Variants in NAV3 observed in about 807,000 individuals in gnomAD.
NAV3 encodes the protein pore membrane and/or filament interacting like protein 1.
Under a neutral mutation model 244.7 loss-of-function variants are expected in NAV3, and 87 were observed. The ratio of observed to expected loss-of-function variants is 0.36; its 90% CI spans 0.30 to 0.42. The LOEUF (loss-of-function observed/expected upper bound fraction) is 0.42, where lower values mean the gene tolerates loss of function less well. Ranked by LOEUF, NAV3 falls within the 20% of genes least tolerant of loss-of-function variation. The probability of loss-of-function intolerance (pLI) is 1.00; values close to 1 mark genes in which losing one functional copy is unlikely to be tolerated. For missense variants in NAV3, 2,663 were observed against 2,893.3 expected, an observed-to-expected ratio of 0.92 and a Z score of 1.83; for synonymous variants, 1,126 against 1,042.2, an observed-to-expected ratio of 1.08 and a Z score of -1.55.
intron 2 of NAV3, among the ~76,000 whole-genome samples, chr12:77,617,490 A>C (rs897669666): frequency 3.3e-5 from 5 of 152,192 alleles, no homozygotes; most frequent in South Asian, 4.1e-4. Context: ...ATGATAAAAA[A>C]CTGAGACTTC....
chr12:77,828,755 G>A (rs1000369392), upstream of NAV3, among the ~76,000 whole-genome samples: 1 of 152,074 alleles, frequency 6.6e-6, no homozygotes, highest in Non-Finnish European at 1.5e-5. Flanking sequence ...CAGTCAGAGT[G>A]AAAGATATTG....
chr12:78,038,150 C>T (rs965592066), intron 9 of NAV3, among the ~76,000 whole-genome samples: 6 of 152,176 alleles, frequency 3.9e-5, no homozygotes, highest in African/African-American at 1.2e-4. Context: ...TGTGACTAAA[C>T]TTTAAATGTC....
chr12:77,985,367 T>G (rs1002288421), intron 5 of NAV3, among the ~76,000 whole-genome samples: 1 of 152,218 alleles, frequency 6.6e-6, no homozygotes, highest in Non-Finnish European at 1.5e-5. Flanking sequence ...TCAATATCTA[T>G]GTCTATGTGC....
chr12:77,680,176 C>A (rs564575749), intron 2 of NAV3, among the ~76,000 whole-genome samples: 1 of 152,218 alleles, frequency 6.6e-6, no homozygotes, highest in African/African-American at 2.4e-5. Context: ...GTTCCAGTGT[C>A]TGAATTTGCT....
At chr12:77,658,495 G>T (rs1045698995) in intron 2 of NAV3, among the ~76,000 whole-genome samples, 28 of 149,622 alleles carry the variant, frequency 1.9e-4, no homozygotes, top group African/African-American at 6.9e-4. Context: ...CATGCTCATG[G>T]GTAGGAAGAA....
intron 12 of NAV3, among the ~76,000 whole-genome samples, chr12:78,108,382 G>A (rs149138564): frequency 6.6e-6 from 1 of 152,188 alleles, no homozygotes; most frequent in African/African-American, 2.4e-5. Flanking sequence ...TCCACTTTCA[G>A]TATTAGACAG....
At chr12:78,030,787 A>G (rs1388526178) in intron 9 of NAV3, among the ~76,000 whole-genome samples, 1 of 152,220 alleles carries the variant, frequency 6.6e-6, no homozygotes, top group Non-Finnish European at 1.5e-5. Context: ...GTAAAGAGTC[A>G]TGCAGAACTT....
intron 2 of NAV3, among the ~76,000 whole-genome samples, chr12:77,756,379 TCTC>T (rs996762521): frequency 2.6e-5 from 4 of 152,174 alleles, no homozygotes; most frequent in African/African-American, 7.2e-5. Flanking sequence ...TTTAATTCCT[TCTC>T]CTATTTTCAG....
chr12:77,855,168 T>A (rs1878202357), intron 1 of NAV3, among the ~76,000 whole-genome samples: 1 of 152,126 alleles, frequency 6.6e-6, no homozygotes. Flanking sequence ...AACATCCTTT[T>A]GCATGTGTCC....
chr12:77,805,989 A>G (rs1431238207), intron 2 of NAV3, among the ~76,000 whole-genome samples: 1 of 152,040 alleles, frequency 6.6e-6, no homozygotes, highest in East Asian at 1.9e-4. Flanking sequence ...GGTAGTTTGT[A>G]TTTCTGTGGG....
rs765600092 is a variant in NAV3, at chr12:78,051,033, T to G, written c.2402T>G (p.Met801Arg). 3 of 1,614,072 alleles carry G rather than the reference T, an allele frequency of 1.9e-6. No individual in the cohort carries two copies. The South Asian group carries it at 3.3e-5, about 18-fold the overall frequency. ...CTGGGAAACATGTCACAGATTGACATGAGTGAGAAAGCAAGCAGTGACCTG... is the reference window on the plus strand; with the variant it reads ...CTGGGAAACATGTCACAGATTGACAGGAGTGAGAAAGCAAGCAGTGACCTG... ...SRLGNMSQID[M>R]SEKASSDLDM... The change falls in exon 11 of 40, where the codon ATG (methionine) becomes AGG (arginine). Residue 801 changes from methionine (M) to arginine (R), a missense_variant. Met to Arg is a moderately conservative substitution (Grantham distance 91, BLOSUM62 -1). Coordinates refer to ENST00000397909, the MANE Select transcript of NAV3 (RefSeq NM_001024383.2).
chr12:78,116,427 T>A (rs1185227809), intron 12 of NAV3, among the ~76,000 whole-genome samples: 1 of 152,190 alleles, frequency 6.6e-6, no homozygotes, highest in Non-Finnish European at 1.5e-5. Flanking sequence ...GCTTTATGAT[T>A]CCTGGTTGAA....
At chr12:77,604,920 A>G (rs562295261) in intron 2 of NAV3, among the ~76,000 whole-genome samples, 2 of 152,164 alleles carry the variant, frequency 1.3e-5, no homozygotes, top group Non-Finnish European at 2.9e-5. Flanking sequence ...ACAAAAACAA[A>G]TGGAACACTG....
intron 2 of NAV3, among the ~76,000 whole-genome samples, chr12:77,813,301 A>T (rs1872381416): frequency 6.6e-6 from 1 of 152,088 alleles, no homozygotes; most frequent in Non-Finnish European, 1.5e-5. Context: ...AGAACCAGCC[A>T]TTCTGCAATT....
At chr12:77,966,355 T>C in intron 4 of NAV3, 54 bp downstream of exon 4, 1 of 1,425,208 alleles carries the variant, frequency 7.0e-7, no homozygotes. Context: ...TTTTAAATTA[T>C]TTTTTATAAT....
intron 2 of NAV3, among the ~76,000 whole-genome samples, chr12:77,583,917 T>C (rs1302031244): frequency 6.6e-6 from 1 of 152,218 alleles, no homozygotes; most frequent in Non-Finnish European, 1.5e-5. Context: ...CCTTGAACAA[T>C]GCAAGTACAG....
Position 77,821,242 on chromosome 12 carries a change from C to G in NAV3, c.73-119077C>G, listed in dbSNP as rs376739397. On this transcript the variant is annotated intron_variant, in intron 2 of 8. Coordinates refer to the NAV3 transcript ENST00000550042. ...GAAAGGATCTGGATGTTAGTTAGAT[C>G]TGAAGTTTAGAACCTGTACTGGAAC... Among the ~76,000 whole-genome samples the G allele has an allele frequency of 2.8e-4, 42 of 152,170 alleles. No individual in the cohort carries two copies. The South Asian group carries it at 7.9e-3, about 29-fold the overall frequency.
At position 77,669,533 on chromosome 12, in the gene NAV3, A is replaced by G. The variant is rs79518451; in HGVS notation, c.72+97267A>G. 1.1e-3 allele frequency among the ~76,000 whole-genome samples: 164 copies of G among 152,302 alleles called. 1 individual carries two copies. Among genetic ancestry groups the G allele is most frequent in the African/African-American group, 3.5e-3 (146 of 41,580 alleles). ...GGTATTCCATGCAAATGGACACCAA[A>G]TGCAAGCAGGAATAGCTATTCTTAT... On this transcript the variant is annotated intron_variant, in intron 2 of 8. Transcript: ENST00000550042.
intron 2 of NAV3, among the ~76,000 whole-genome samples, chr12:77,657,997 T>C (rs1873207835): frequency 6.6e-6 from 1 of 151,994 alleles, no homozygotes; most frequent in South Asian, 2.1e-4. Flanking sequence ...CCACAGCCAA[T>C]ATCATACTGA....
Sources: gnomAD v4.1 joint callset for allele counts (sites outside exome capture counted in the v4.1 genomes callset) on GRCh38, gnomAD v4.1.1 for gene constraint, MANE v1.5 for transcripts, NCBI Gene and HGNC (gene_info 2026-07-23, HGNC 2026-07-21) for gene names.